Variants in ST3GAL1 observed in about 807,000 individuals in gnomAD.
ST3GAL1 encodes ST3 beta-galactoside alpha-2,3-sialyltransferase 1, also known as CMP-N-acetylneuraminate-beta-galactosamide-alpha-2,3-sialyltransferase 1.
ST3GAL1 carries 16 observed loss-of-function variants against 34.1 expected under a neutral mutation model. That is an observed-to-expected ratio of 0.47 (90% confidence interval 0.32 to 0.71). The LOEUF is 0.71. Among genes scored for constraint, ST3GAL1 ranks in the 30% least tolerant of loss-of-function variants. ST3GAL1 has a pLI of 0.04. For synonymous variants in ST3GAL1, 191 were observed against 184.7 expected, an observed-to-expected ratio of 1.03 and a Z score of -0.28; for missense variants, 353 against 447.4, an observed-to-expected ratio of 0.79 and a Z score of 1.90.
chr8:133,499,150 AGT>A lies in ST3GAL1; in HGVS notation c.-391_-390del, dbSNP rs1321280631. ...TGCCACTTACCGGCTGTGTGACCTC[AGT>A]GGAGTCTCTTAACCTCTCTGAACCT... is the stretch of plus-strand genomic sequence containing the variant. On this transcript the variant is annotated 5_prime_UTR_variant, in exon 3 of 10. The change abolishes the stop of an existing upstream ORF in the 5' untranslated region. Coordinates refer to ENST00000522652, the MANE Select transcript of ST3GAL1 (RefSeq NM_173344.3). The A allele has an allele frequency of 6.6e-6, 1 of 152,272 alleles. No homozygotes were observed. The highest frequency in any genetic ancestry group is 2.4e-5 in the African/African-American group (1 of 41,458). 9.4% of individuals were successfully genotyped at this position (152,272 alleles called of 1,614,324 possible). A position where few individuals can be genotyped will look rare whatever the true frequency, so the allele number is the denominator to read the frequency against.
intron 3 of ST3GAL1, among the ~76,000 whole-genome samples, chr8:133,484,445 G>A (rs1369934366): frequency 1.3e-5 from 2 of 152,238 alleles, no homozygotes; most frequent in African/African-American, 2.4e-5. Flanking sequence ...GGAGATGGCA[G>A]AGCCAACTTG....
At chr8:133,558,933 C>T (rs892690980) in intron 1 of ST3GAL1, among the ~76,000 whole-genome samples, 3 of 152,090 alleles carry the variant, frequency 2.0e-5, no homozygotes, top group Non-Finnish European at 2.9e-5. Flanking sequence ...CTCATGTCCT[C>T]GTGGGTCTTC....
intron 2 of ST3GAL1, among the ~76,000 whole-genome samples, chr8:133,504,611 C>T (rs1179138929): frequency 6.6e-6 from 1 of 152,162 alleles, no homozygotes. Context: ...CTGAGATAGG[C>T]CATGCTGGGG....
rs150112189 is a variant in ST3GAL1 at position 133,475,925 on chromosome 8, C to T, written c.100G>A (p.Ala34Thr). ...FFLNYSHTMV[A>T]TTWFPKQMVL... ...ATCTGCTTGGGGAACCAGGTGGTGG[C>T]CACCATGGTGTGGGAGTAGTTCAGG... is the stretch of plus-strand genomic sequence containing the variant. Residue 34 changes from alanine (A) to threonine (T), a missense_variant, in exon 5 of 10, where the codon GCC becomes ACC. Transcript: ENST00000522652. 7.2e-4 allele frequency: 1,161 copies of T among 1,613,952 alleles called. 3 individuals are homozygous for T. In the African/African-American group the frequency reaches 0.013, roughly 18 times the overall value.
At chr8:133,513,670 C>A (rs376314129) in intron 2 of ST3GAL1, among the ~76,000 whole-genome samples, 1 of 152,022 alleles carries the variant, frequency 6.6e-6, no homozygotes, top group South Asian at 2.1e-4. Flanking sequence ...CTGAGGCGGG[C>A]GGATCACAAG....
intron 1 of ST3GAL1, among the ~76,000 whole-genome samples, chr8:133,548,526 C>T (rs1308625128): frequency 6.6e-6 from 1 of 152,216 alleles, no homozygotes; most frequent in African/African-American, 2.4e-5. Flanking sequence ...GCCCTCACCA[C>T]CCAGCACACC....
chr8:133,531,446 C>A (rs746986100), intron 2 of ST3GAL1, among the ~76,000 whole-genome samples: 1 of 152,052 alleles, frequency 6.6e-6, no homozygotes, highest in Non-Finnish European at 1.5e-5. Flanking sequence ...AATAATCCTA[C>A]GAGTAGCTAC....
At chr8:133,540,732 T>TATATATAGAGACATATATATATAGAGAC (rs1563733797) in intron 2 of ST3GAL1, among the ~76,000 whole-genome samples, 2 of 95,158 alleles carry the variant, frequency 2.1e-5, no homozygotes, top group African/African-American at 9.1e-5. Context: ...TATAGACATA[T>TATATATAGAGACATATATATATAGAGAC]ATATATATAT....
At chr8:133,549,434 T>C (rs993736446) in intron 1 of ST3GAL1, among the ~76,000 whole-genome samples, 1 of 151,608 alleles carries the variant, frequency 6.6e-6, no homozygotes, top group Non-Finnish European at 1.5e-5. Flanking sequence ...GGCGGTAATC[T>C]ATGAATCAGA....
intron 1 of ST3GAL1, 107 bp from the exon 2 acceptor site, chr8:133,546,033 A>T (rs1206671993): frequency 1.3e-5 from 2 of 152,178 alleles, no homozygotes; most frequent in African/African-American, 4.8e-5. Context: ...CACTTATTCC[A>T]CTCACTCACC....
intron 6 of ST3GAL1, chr8:133,465,522 A>G (rs564436700): frequency 5.9e-4 from 110 of 185,038 alleles, no homozygotes; most frequent in African/African-American, 2.5e-3. Context: ...GGGAAAATAT[A>G]TTTTACATAA....
At chr8:133,542,605 T>A (rs1051807119) in intron 2 of ST3GAL1, among the ~76,000 whole-genome samples, 1 of 151,888 alleles carries the variant, frequency 6.6e-6, no homozygotes, top group Non-Finnish European at 1.5e-5. Flanking sequence ...TGAAACCCCA[T>A]CTCTACTAAA....
intron 1 of ST3GAL1, among the ~76,000 whole-genome samples, chr8:133,547,018 A>AAAAAG (rs5895197): frequency 4.7e-5 from 7 of 147,752 alleles, no homozygotes; most frequent in East Asian, 2.0e-4. Flanking sequence ...AAAAAAAAAA[A>AAAAAG]AAGACTTCAT....
At chr8:133,546,709 C>G (rs777293593) in intron 1 of ST3GAL1, among the ~76,000 whole-genome samples, 2 of 151,966 alleles carry the variant, frequency 1.3e-5, no homozygotes, top group Non-Finnish European at 2.9e-5. Flanking sequence ...TTTCTGAAGA[C>G]TTCATCTGGC....
At chr8:133,532,875 T>C (rs761244222) in intron 2 of ST3GAL1, among the ~76,000 whole-genome samples, 9 of 152,084 alleles carry the variant, frequency 5.9e-5, no homozygotes, top group South Asian at 2.1e-4. Flanking sequence ...GAGGGGGTGA[T>C]AGTTTGGGGA....
At chr8:133,470,063 G>A (rs1815889635) in intron 5 of ST3GAL1, among the ~76,000 whole-genome samples, 1 of 152,192 alleles carries the variant, frequency 6.6e-6, no homozygotes, top group East Asian at 1.9e-4. Context: ...ACTCCATGTG[G>A]CGTCACTGTT....
At chr8:133,550,315 C>T (rs180793768) in intron 1 of ST3GAL1, among the ~76,000 whole-genome samples, 63 of 152,304 alleles carry the variant, frequency 4.1e-4, no homozygotes, top group Non-Finnish European at 1.5e-5. Flanking sequence ...TAAACTCTTA[C>T]CGCTGAAACA....
At chr8:133,529,158 G>C (rs769223369) in intron 2 of ST3GAL1, among the ~76,000 whole-genome samples, 1 of 152,216 alleles carries the variant, frequency 6.6e-6, no homozygotes, top group Non-Finnish European at 1.5e-5. Flanking sequence ...TGTGGTGATG[G>C]GTCCTCCCAC....
At chr8:133,476,984 A>G (rs1046943737) in intron 3 of ST3GAL1, among the ~76,000 whole-genome samples, 1 of 152,234 alleles carries the variant, frequency 6.6e-6, no homozygotes, top group Admixed American at 6.5e-5. Flanking sequence ...TTTGGATTTC[A>G]GCAACAAGCA....
Sources: gnomAD v4.1 joint callset for allele counts (sites outside exome capture counted in the v4.1 genomes callset) on GRCh38, gnomAD v4.1.1 for gene constraint, MANE v1.5 for transcripts, NCBI Gene and HGNC (gene_info 2026-07-23, HGNC 2026-07-21) for gene names.